The following CACNB2 variants were observed in gnomAD, a reference collection of about 807,000 sequenced individuals.
The protein encoded by CACNB2 is calcium voltage-gated channel auxiliary subunit beta 2, also known as voltage-dependent L-type calcium channel subunit beta-2.
Under a neutral mutation model 73.3 loss-of-function variants are expected in CACNB2, and 42 were observed. The observed-to-expected ratio is 0.57, with a 90% CI of 0.45 to 0.74. The LOEUF is 0.74. Ranked by LOEUF, CACNB2 falls within the 30% of genes least tolerant of loss-of-function variation. The pLI is 0.00. For missense variants in CACNB2, 940 were observed against 853.0 expected (o/e 1.10, Z -1.27); for synonymous variants, 348 against 310.3 (o/e 1.12, Z -1.28).
chr10:18,539,833 C>A lies in CACNB2; in HGVS notation c.*109C>A. On this transcript the variant is annotated 3_prime_UTR_variant, in exon 14 of 14. Coordinates refer to ENST00000324631, the MANE Select transcript of CACNB2 (RefSeq NM_201596.3). The stretch of plus-strand genomic sequence containing the variant: ...TACACTGCAATCATATGTGATCTGT[C>A]TTGTAATATTTTGTATTATTGCTGT... 3 of 1,131,000 alleles carry A rather than the reference C, an allele frequency of 2.7e-6. No individual in the cohort carries two copies. The highest frequency in any genetic ancestry group is 2.9e-5 in the South Asian group (2 of 68,620). The allele number at this position is 1,131,000 out of a possible 1,614,324, so 70.1% of individuals were successfully genotyped here.
chr10:18,222,491 G>C (rs1307266081), intron 2 of CACNB2, among the ~76,000 whole-genome samples: 1 of 151,982 alleles, frequency 6.6e-6, no homozygotes, highest in Non-Finnish European at 1.5e-5. Context: ...ATATTAAAGA[G>C]TTACTATTTT....
chr10:18,149,610 C>CTG (rs2031326789), intron 1 of CACNB2, among the ~76,000 whole-genome samples: 1 of 152,158 alleles, frequency 6.6e-6, no homozygotes, highest in African/African-American at 2.4e-5. Flanking sequence ...TGCCTAAGTG[C>CTG]TACATATATT....
At chr10:18,322,816 G>C (rs1217498803) in intron 2 of CACNB2, among the ~76,000 whole-genome samples, 6 of 151,578 alleles carry the variant, frequency 4.0e-5, no homozygotes. Flanking sequence ...GTGCAGTAGT[G>C]ATAGTGTATT....
At chr10:18,462,260 G>A (rs1259925960) in intron 3 of CACNB2, among the ~76,000 whole-genome samples, 1 of 152,098 alleles carries the variant, frequency 6.6e-6, no homozygotes, top group Non-Finnish European at 1.5e-5. Flanking sequence ...CTGGTTGGTT[G>A]ATTGATTGAT....
intron 2 of CACNB2, among the ~76,000 whole-genome samples, chr10:18,276,914 C>G (rs934394285): frequency 6.6e-6 from 1 of 152,056 alleles, no homozygotes. Context: ...GAGTTCAAGA[C>G]CAGACAGGGC....
intron 2 of CACNB2, among the ~76,000 whole-genome samples, chr10:18,220,239 A>AGGGGGGGGG (rs1291259522): frequency 7.2e-5 from 5 of 69,438 alleles, no homozygotes; most frequent in African/African-American, 4.4e-4. Context: ...ATATAGAGAG[A>AGGGGGGGGG]GAGAGAGAGA....
chr10:18,291,383 C>G (rs1409015680), intron 2 of CACNB2, among the ~76,000 whole-genome samples: 1 of 152,212 alleles, frequency 6.6e-6, no homozygotes, highest in Non-Finnish European at 1.5e-5. Flanking sequence ...GAGAGAGGAA[C>G]ACCTCTGTGA....
At chr10:18,346,078 G>C (rs1046192317) in intron 2 of CACNB2, among the ~76,000 whole-genome samples, 3 of 152,072 alleles carry the variant, frequency 2.0e-5, no homozygotes, top group Non-Finnish European at 4.4e-5. Flanking sequence ...TTCCTGCAGG[G>C]CTCCCCCTCC....
chr10:18,417,091 TAG>T, intron 3 of CACNB2, among the ~76,000 whole-genome samples: 1 of 150,040 alleles, frequency 6.7e-6, no homozygotes, highest in South Asian at 2.1e-4. Flanking sequence ...TTTCATGCTC[TAG>T]AGAGATTAAG....
intron 3 of CACNB2, among the ~76,000 whole-genome samples, chr10:18,491,191 A>AT (rs1278150385): frequency 1.3e-5 from 2 of 152,358 alleles, no homozygotes; most frequent in Non-Finnish European, 2.9e-5. Flanking sequence ...TTCATATCCA[A>AT]GAATCAGTTC....
At chr10:18,149,745 A>G (rs1017993809) in intron 1 of CACNB2, among the ~76,000 whole-genome samples, 2 of 152,210 alleles carry the variant, frequency 1.3e-5, no homozygotes, top group African/African-American at 4.8e-5. Flanking sequence ...GGAAGTCTCT[A>G]TGAGCCTAAT....
At chr10:18,425,304 T>C (rs2045538558) in intron 3 of CACNB2, among the ~76,000 whole-genome samples, 1 of 152,222 alleles carries the variant, frequency 6.6e-6, no homozygotes, top group Non-Finnish European at 1.5e-5. Flanking sequence ...TATAGCATTC[T>C]TAATACCAAT....
intron 2 of CACNB2, among the ~76,000 whole-genome samples, chr10:18,204,907 C>G (rs1187606869): frequency 1.4e-5 from 2 of 145,388 alleles, no homozygotes; most frequent in Non-Finnish European, 3.0e-5. Flanking sequence ...TTTAATGCCA[C>G]AAATATTTAA....
chr10:18,331,056 G>A (rs1261942330), intron 2 of CACNB2, among the ~76,000 whole-genome samples: 8 of 150,032 alleles, frequency 5.3e-5, no homozygotes, highest in East Asian at 2.0e-4. Flanking sequence ...CGCGATCTTG[G>A]CCCACTGCAA....
At chr10:18,418,220 G>A (rs10764476) in intron 3 of CACNB2, among the ~76,000 whole-genome samples, 34,790 of 152,118 alleles carry the variant, frequency 0.23, 4,289 homozygotes, top group East Asian at 0.52. Flanking sequence ...GACTACAGGC[G>A]CACGCCACTA....
intron 2 of CACNB2, among the ~76,000 whole-genome samples, chr10:18,356,949 T>TTTTTTC (rs2041941450): frequency 1.1e-5 from 1 of 92,270 alleles, no homozygotes; most frequent in Non-Finnish European, 2.5e-5. Context: ...TTTCTTTTTT[T>TTTTTTC]TTTTTTTTTT....
At chr10:18,381,260 G>T (rs2132367698) in intron 2 of CACNB2, among the ~76,000 whole-genome samples, 1 of 150,608 alleles carries the variant, frequency 6.6e-6, no homozygotes, top group Middle Eastern at 3.4e-3. Flanking sequence ...TATAATCCCA[G>T]TGCTTTGGGA....
chr10:18,462,853 G>A (rs1343462714), intron 3 of CACNB2, among the ~76,000 whole-genome samples: 1 of 152,060 alleles, frequency 6.6e-6, no homozygotes, highest in Non-Finnish European at 1.5e-5. Context: ...CCACCTCCCA[G>A]GTTCAAGAGA....
chr10:18,244,401 G>A (rs1298406007), intron 2 of CACNB2, among the ~76,000 whole-genome samples: 1 of 152,314 alleles, frequency 6.6e-6, no homozygotes, highest in African/African-American at 2.4e-5. Flanking sequence ...ATATGTCAGT[G>A]ATTATGGGGA....
Sources: allele counts gnomAD v4.1 joint callset (sites outside exome capture counted in the v4.1 genomes callset), GRCh38; gene constraint gnomAD v4.1.1; transcripts MANE v1.5; gene names NCBI Gene and HGNC (gene_info 2026-07-23, HGNC 2026-07-21).